The following ATP2B4 variants were observed in gnomAD, a reference collection of about 807,000 sequenced individuals.
ATP2B4 encodes plasma membrane calcium-transporting ATPase 4.
ATP2B4 carries 39 observed loss-of-function variants against 110.3 expected under a neutral mutation model. That is an observed-to-expected ratio of 0.35 (90% CI 0.27 to 0.46). The LOEUF (loss-of-function observed/expected upper bound fraction) is 0.46. Ranked by LOEUF, ATP2B4 falls within the 20% of genes least tolerant of loss-of-function variation. ATP2B4 has a pLI of 1.00. For missense variants in ATP2B4, 1,135 were observed against 1,530.9 expected, an observed-to-expected ratio of 0.74 and a Z score of 4.32; for synonymous variants, 538 against 571.7, an observed-to-expected ratio of 0.94 and a Z score of 0.84.
At chr1:203,724,979 C>G (rs1390180833) in intron 19 of ATP2B4, among the ~76,000 whole-genome samples, 1 of 148,394 alleles carries the variant, frequency 6.7e-6, no homozygotes, top group Non-Finnish European at 1.5e-5. Context: ...TGGGTTCAAG[C>G]AATTTCTCCT....
intron 20 of ATP2B4, chr1:203,733,072 G>A (rs1666778240): frequency 1.8e-6 from 1 of 569,918 alleles, no homozygotes; most frequent in Non-Finnish European, 2.8e-6. Flanking sequence ...CTTTTTGTGG[G>A]AGGGAAGCTC....
chr1:203,661,428 A>C (rs1025241016), intron 1 of ATP2B4, among the ~76,000 whole-genome samples: 11 of 152,184 alleles, frequency 7.2e-5, no homozygotes, highest in Admixed American at 4.6e-4. Context: ...CAAATGAGAT[A>C]CTAATACAGA....
At chr1:203,646,014 C>G (rs1663788517) in intron 1 of ATP2B4, among the ~76,000 whole-genome samples, 1 of 151,930 alleles carries the variant, frequency 6.6e-6, no homozygotes, top group Non-Finnish European at 1.5e-5. Flanking sequence ...TCTCGGTGTA[C>G]TTTAATCCAA....
intron 1 of ATP2B4, among the ~76,000 whole-genome samples, chr1:203,673,347 A>C (rs1045294656): frequency 3.9e-5 from 6 of 152,188 alleles, no homozygotes; most frequent in Non-Finnish European, 7.3e-5. Flanking sequence ...AACATTACTC[A>C]AGTGCAAGGA....
At chr1:203,723,288 A>G (rs1272255810) in intron 18 of ATP2B4, among the ~76,000 whole-genome samples, 3 of 148,934 alleles carry the variant, frequency 2.0e-5, no homozygotes, top group Non-Finnish European at 4.4e-5. Flanking sequence ...TTTTAAAAAT[A>G]CAGATGGGGT....
At chr1:203,706,929 A>C in intron 8 of ATP2B4, 80 bp from the exon 9 acceptor site, 2 of 1,236,204 alleles carry the variant, frequency 1.6e-6, no homozygotes, top group Non-Finnish European at 2.3e-6. Context: ...CAAAGGCTAC[A>C]ACTGATGCCA....
Position 203,721,278 on chromosome 1 carries a change from C to G in ATP2B4, c.2680C>G (p.Pro894Ala). The G allele has an allele frequency of 1.9e-6, 3 of 1,614,210 alleles. No homozygotes were observed. The African/African-American group carries it at 4.0e-5, about 22-fold the overall frequency. ...TGCTTCATTGGCCCTGGCCACAGAG[C>G]CCCCTACGGAATCTCTGTTGAAGCG... ...TFASLALATE[P>A]PTESLLKRRP... is the part of the protein sequence containing the mutation. Residue 894 changes from proline (P) to alanine (A), a missense_variant, in exon 17 of 21, where the codon CCC (proline) becomes GCC (alanine). Pro to Ala is a conservative substitution (Grantham distance 27). This residue lies in a region of ATP2B4 where 155 missense variants were observed against 186.2 expected (regional missense o/e 0.83). Transcript: ENST00000357681.
At chr1:203,634,845 G>A (rs1663389609) in intron 1 of ATP2B4, among the ~76,000 whole-genome samples, 1 of 151,958 alleles carries the variant, frequency 6.6e-6, no homozygotes, top group Admixed American at 6.6e-5. Context: ...CATATTTTTT[G>A]TAGAGACGGG....
At chr1:203,713,569 A>T (rs371678226) in intron 14 of ATP2B4, among the ~76,000 whole-genome samples, 1 of 151,928 alleles carries the variant, frequency 6.6e-6, no homozygotes, top group Admixed American at 6.6e-5. Flanking sequence ...AGTTCAAGTG[A>T]TTCTCCTGCC....
intron 18 of ATP2B4, 26 bp from the exon 19 acceptor site, chr1:203,723,855 G>T: frequency 6.4e-7 from 1 of 1,560,554 alleles, no homozygotes; most frequent in South Asian, 1.2e-5. Context: ...TTCCTTGATG[G>T]TGGGCTGCCC....
intron 19 of ATP2B4, among the ~76,000 whole-genome samples, chr1:203,726,835 TC>T (rs951288995): frequency 6.6e-6 from 1 of 152,166 alleles, no homozygotes; most frequent in Non-Finnish European, 1.5e-5. Context: ...CCCATCCACT[TC>T]CTCACCTCAA....
Position 203,672,600 on chromosome 1 carries a change from G to C in ATP2B4, c.-464-10142G>C, listed in dbSNP as rs573112848. Among the ~76,000 whole-genome samples, 76 of 152,216 alleles carry C rather than the reference G, an allele frequency of 5.0e-4. 1 individual carries two copies. Among genetic ancestry groups the C allele is most frequent in the African/African-American group, 1.8e-3 (73 of 41,534 alleles). On this transcript the variant is annotated intron_variant, in intron 1 of 20. Transcript: ENST00000357681. ...GCTCCCTGAGAGGTGTTATGGAGGC[G>C]GTGAGCCTGGTGCTTCTTCTGGAAC...
In ATP2B4 at chr1:203,722,531, C is replaced by A. The variant is rs1490864073; in HGVS notation, c.2866C>A (p.Pro956Thr). The change falls in exon 18 of 21, where the codon CCC (proline) becomes ACC (threonine). Residue 956 changes from proline (P) to threonine (T), a missense_variant. Physicochemically the swap from Pro to Thr is conservative, Grantham distance 38 (BLOSUM62 -1). Transcript: ENST00000357681. ...GAGGAAGGCACCTCTACATTCACCA[C>A]CCAGCCAGCACTATACCATTGTTTT... ...SGRKAPLHSP[P>T]SQHYTIVFNT... The A allele has an allele frequency of 6.2e-7, 1 of 1,614,198 alleles. No homozygotes were observed. Among genetic ancestry groups the A allele is most frequent in the Non-Finnish European group, 8.5e-7 (1 of 1,180,022 alleles).
chr1:203,735,361 A>C (rs1426713839), intron 20 of ATP2B4, among the ~76,000 whole-genome samples: 1 of 152,186 alleles, frequency 6.6e-6, no homozygotes, highest in Non-Finnish European at 1.5e-5. Context: ...AATGGGACTC[A>C]GAGAGGAGAG....
intron 15 of ATP2B4, among the ~76,000 whole-genome samples, chr1:203,717,608 A>ATTT (rs2102208457): frequency 7.9e-6 from 1 of 125,972 alleles, no homozygotes; most frequent in Non-Finnish European, 1.8e-5. Context: ...GCTTCATTTT[A>ATTT]ATGTGAAATG....
intron 1 of ATP2B4, among the ~76,000 whole-genome samples, chr1:203,661,121 A>C (rs1664326388): frequency 6.6e-6 from 1 of 152,074 alleles, no homozygotes; most frequent in African/African-American, 2.4e-5. Context: ...AAAAAAAAAA[A>C]AACTTTCCCA....
At chr1:203,719,046 G>A (rs1666239373) in intron 15 of ATP2B4, among the ~76,000 whole-genome samples, 1 of 151,738 alleles carries the variant, frequency 6.6e-6, no homozygotes, top group Non-Finnish European at 1.5e-5. Context: ...ACAATATAGT[G>A]AGACTCCCAT....
intron 1 of ATP2B4, among the ~76,000 whole-genome samples, chr1:203,667,073 T>C (rs1001114957): frequency 2.0e-4 from 30 of 152,284 alleles, no homozygotes; most frequent in African/African-American, 7.0e-4. Flanking sequence ...CACCTCAGCC[T>C]CCAGAGTAGC....
At chr1:203,725,497 C>A (rs889636879) in intron 19 of ATP2B4, among the ~76,000 whole-genome samples, 1 of 152,172 alleles carries the variant, frequency 6.6e-6, no homozygotes, top group Admixed American at 6.6e-5. Flanking sequence ...GTTACATAAC[C>A]AATCTGTGTC....
Sources: gnomAD v4.1 joint callset for allele counts (sites outside exome capture counted in the v4.1 genomes callset) on GRCh38, gnomAD v4.1.1 for gene constraint, gnomAD v4.1.1 regional missense constraint, MANE v1.5 for transcripts, NCBI Gene and HGNC (gene_info 2026-07-23, HGNC 2026-07-21) for gene names.